ZNF665: variants seen among roughly 807,000 people sequenced by gnomAD.
ZNF665 encodes zinc finger protein 665.
In ZNF665, 6 loss-of-function variants were observed where a neutral mutation model predicts 7.9. The ratio of observed to expected loss-of-function variants is 0.76; its 90% CI spans 0.42 to 1.50. ZNF665 has a LOEUF of 1.50. Ranked by LOEUF, ZNF665 falls within the 40% of genes most tolerant of loss-of-function variation. The pLI, the probability that ZNF665 is intolerant of heterozygous loss-of-function variation, is 0.01. For synonymous variants in ZNF665, 242 were observed against 274.5 expected (o/e 0.88, Z 1.17); for missense variants, 819 against 806.7 (o/e 1.02, Z -0.18).
intron 3 of ZNF665, among the ~76,000 whole-genome samples, chr19:53,173,370 C>CTT (rs2090672824): frequency 8.9e-6 from 1 of 112,632 alleles, no homozygotes; most frequent in African/African-American, 3.7e-5. Flanking sequence ...TTTTTTTTCA[C>CTT]TCTTTTTTTT....
At chr19:53,170,312 GA>G (rs959870096) in intron 3 of ZNF665, among the ~76,000 whole-genome samples, 7 of 152,248 alleles carry the variant, frequency 4.6e-5, no homozygotes, top group East Asian at 1.9e-4. Context: ...TATTTATGGG[GA>G]AAAAATGATG....
In ZNF665 at chr19:53,166,331, A is replaced by G; in HGVS notation, c.159T>C (p.Cys53=). Reference sequence around the variant, plus strand: ...CCTTTGGTGGCAAATCCGTGTTTACACATTTACAAGAGATATCTGTAAGAT... The same window carrying G: ...CCTTTGGTGGCAAATCCGTGTTTACGCATTTACAAGAGATATCTGTAAGAT... The part of the protein sequence containing the change: ...NLVSLDISCK[C]VNTDLPPKGK... Residue 53 remains cysteine (C), a synonymous_variant, in exon 4 of 4, where the codon TGT becomes TGC. Transcript: ENST00000396424. The G allele has an allele frequency of 6.3e-7, 1 of 1,585,530 alleles. No homozygotes were observed. Among genetic ancestry groups the G allele is most frequent in the Admixed American group, 1.9e-5 (1 of 54,046 alleles).
At chr19:53,184,540 G>A (rs1460892828) in intron 1 of ZNF665, among the ~76,000 whole-genome samples, 2 of 152,122 alleles carry the variant, frequency 1.3e-5, no homozygotes, top group African/African-American at 2.4e-5. Context: ...GGATTCCAGT[G>A]TTCAAGGGAG....
intron 2 of ZNF665, among the ~76,000 whole-genome samples, chr19:53,179,377 C>CAAAA (rs35184690): frequency 1.4e-5 from 1 of 70,414 alleles, no homozygotes; most frequent in Non-Finnish European, 2.5e-5. Context: ...GATTCCGTCT[C>CAAAA]AAAAAAAAAA....
chr19:53,180,958 T>C (rs1306980099), intron 2 of ZNF665: 1 of 152,168 alleles, frequency 6.6e-6, no homozygotes, highest in Non-Finnish European at 1.5e-5. Context: ...TGAATAGATT[T>C]CAGAAGTACA....
intron 3 of ZNF665, among the ~76,000 whole-genome samples, chr19:53,173,771 G>A (rs76041412): frequency 0.019 from 2,876 of 152,234 alleles, 80 homozygotes; most frequent in African/African-American, 0.054. Flanking sequence ...ACAGTTTGAA[G>A]TAAGGTAGTG....
chr19:53,168,823 A>G (rs2090636817), intron 3 of ZNF665, among the ~76,000 whole-genome samples: 1 of 152,198 alleles, frequency 6.6e-6, no homozygotes, highest in Non-Finnish European at 1.5e-5. Flanking sequence ...TTGACAAAGA[A>G]TAAATGGCAA....
At position 53,164,043 on chromosome 19, in the gene ZNF665, G is replaced by A. The variant is rs1449669507; in HGVS notation, c.*410C>T. 1.9e-5 allele frequency: 3 copies of A among 156,754 alleles called. No homozygotes were observed. Among genetic ancestry groups the A allele is most frequent in the East Asian group, 3.8e-4 (2 of 5,314 alleles). The allele number at this position is 156,754 out of a possible 1,614,324, so 9.7% of individuals were successfully genotyped here. ...TCATCAGGAGTTTGCCACAGTCACTGTATTTGTAAGAATTGTCTCAAGAAT... is the reference window on the plus strand; with the variant it reads ...TCATCAGGAGTTTGCCACAGTCACTATATTTGTAAGAATTGTCTCAAGAAT... On this transcript the variant is annotated 3_prime_UTR_variant, in exon 4 of 4. Transcript: ENST00000396424.
At chr19:53,182,567 A>C (rs1331926914) in intron 2 of ZNF665, 11 of 701,812 alleles carry the variant, frequency 1.6e-5, no homozygotes, top group Non-Finnish European at 2.8e-5. Context: ...CAGAGCTGTC[A>C]ATATATTCAA....
intron 2 of ZNF665, 44 bp from the exon 3 acceptor site, chr19:53,175,615 T>G (rs181136298): frequency 1.9e-6 from 3 of 1,564,066 alleles, no homozygotes; most frequent in Non-Finnish European, 2.6e-6. Flanking sequence ...TGAGGAAAAT[T>G]TGAATCTTCA....
Position 53,165,003 on chromosome 19 carries a change from C to G in ZNF665, c.1487G>C (p.Ser496Thr), listed in dbSNP as rs932233746. Residue 496 changes from serine (S) to threonine (T), a missense_variant, in exon 4 of 4, where the codon AGT (serine) becomes ACT (threonine). Physicochemically the swap from Ser to Thr is moderately conservative, Grantham distance 58. Coordinates refer to ENST00000396424, the MANE Select transcript of ZNF665 (RefSeq NM_024733.5). ...ATGCCTTGCAAGTTGTGATGTTTGA[C>G]TGAAGGCTTTACCACATTCATCACA... Reference protein sequence around the residue: ...YKCDECGKAFSQTSQLARHWR... With the variant: ...YKCDECGKAFTQTSQLARHWR... 2 of 1,613,716 alleles carry G rather than the reference C, an allele frequency of 1.2e-6. No individual in the cohort carries two copies. The highest frequency in any genetic ancestry group is 1.7e-6 in the Non-Finnish European group (2 of 1,179,904).
chr19:53,178,498 C>T (rs1362937092), intron 2 of ZNF665, among the ~76,000 whole-genome samples: 4 of 151,940 alleles, frequency 2.6e-5, no homozygotes, highest in African/African-American at 9.7e-5. Flanking sequence ...CCAAGGCAGG[C>T]AGATTGTTTG....
chr19:53,177,860 A>C (rs1272869202), intron 2 of ZNF665, among the ~76,000 whole-genome samples: 5 of 152,196 alleles, frequency 3.3e-5, no homozygotes, highest in Non-Finnish European at 1.5e-5. Context: ...ATCTGCTCCC[A>C]TTTTACTGTG....
At chr19:53,169,791 T>C (rs1192386776) in intron 3 of ZNF665, among the ~76,000 whole-genome samples, 9 of 149,734 alleles carry the variant, frequency 6.0e-5, no homozygotes, top group Non-Finnish European at 3.0e-5. Flanking sequence ...GTGTTTGGTT[T>C]TTTGTTCTTG....
chr19:53,166,307 C>A lies in ZNF665; in HGVS notation c.183G>T (p.Lys61Asn). 6.3e-7 allele frequency: 1 copy of A among 1,595,872 alleles called. No homozygotes were observed. Residue 61 changes from lysine to asparagine, a missense_variant, in exon 4 of 4, where the codon AAG becomes AAT. Physicochemically the swap from Lys to Asn is moderately conservative, Grantham distance 94. Coordinates refer to ENST00000396424, the MANE Select transcript of ZNF665 (RefSeq NM_024733.5). Reference sequence around the variant, plus strand: ...ACGCTTCTCCCATATTGTTCTTCCCCTTTGGTGGCAAATCCGTGTTTACAC... The same window carrying A: ...ACGCTTCTCCCATATTGTTCTTCCCATTTGGTGGCAAATCCGTGTTTACAC... ...CKCVNTDLPPKGKNNMGEAFY... is the reference protein window; with the variant it reads ...CKCVNTDLPPNGKNNMGEAFY...
At chr19:53,190,100 AATC>A (rs2090805842) in intron 1 of ZNF665, 5 of 152,358 alleles carry the variant, frequency 3.3e-5, no homozygotes, top group Admixed American at 3.3e-4. Flanking sequence ...ATTCATATAT[AATC>A]ATATCTAAGA....
rs756566616 is a variant in ZNF665, at chr19:53,165,766, C to T, written c.724G>A (p.Val242Ile). The T allele has an allele frequency of 1.9e-6, 3 of 1,613,932 alleles. No homozygotes were observed. Among genetic ancestry groups the T allele is most frequent in the Admixed American group, 1.7e-5 (1 of 59,990 alleles). ...KPYKCNECGK[V>I]FSQPSNLAGH... ...GCAAGGTTTGAAGGTTGACTGAAGACCTTTCCACATTCATTACATTTGTAA... is the reference window on the plus strand; with the variant it reads ...GCAAGGTTTGAAGGTTGACTGAAGATCTTTCCACATTCATTACATTTGTAA... The change falls in exon 4 of 4, where the codon GTC becomes ATC. Residue 242 changes from valine (V) to isoleucine (I), a missense_variant. Val to Ile is a conservative substitution (Grantham distance 29, BLOSUM62 3). Coordinates refer to ENST00000396424, the MANE Select transcript of ZNF665 (RefSeq NM_024733.5).
intron 1 of ZNF665, among the ~76,000 whole-genome samples, chr19:53,184,830 A>G (rs746210106): frequency 3.3e-5 from 5 of 150,452 alleles, no homozygotes; most frequent in Non-Finnish European, 7.4e-5. Flanking sequence ...GGGGCAGGAT[A>G]AGGAGTGTGA....
At chr19:53,189,318 C>T (rs1251387911) in intron 1 of ZNF665, among the ~76,000 whole-genome samples, 2 of 151,866 alleles carry the variant, frequency 1.3e-5, no homozygotes, top group Non-Finnish European at 2.9e-5. Flanking sequence ...CAGCTGCGCC[C>T]GGGGGACCAC....
Sources: allele counts gnomAD v4.1 joint callset (sites outside exome capture counted in the v4.1 genomes callset), GRCh38; gene constraint gnomAD v4.1.1; transcripts MANE v1.5; gene names NCBI Gene and HGNC (gene_info 2026-07-23, HGNC 2026-07-21).